INTS6: variants seen among roughly 807,000 people sequenced by gnomAD.
INTS6 encodes integrator complex subunit 6.
A neutral mutation model predicts 104.9 loss-of-function variants in INTS6; 16 were observed. The observed-to-expected ratio is 0.15, with a 90% CI of 0.10 to 0.23. The LOEUF (loss-of-function observed/expected upper bound fraction) is 0.23, where lower values mean the gene tolerates loss of function less well. INTS6 is among the 10% of genes least tolerant of loss of function. The pLI is 1.00. For missense variants in INTS6, 584 were observed against 1,062.8 expected, an observed-to-expected ratio of 0.55 and a Z score of 6.26; for synonymous variants, 324 against 358.7, an observed-to-expected ratio of 0.90 and a Z score of 1.09.
intron 4 of INTS6, among the ~76,000 whole-genome samples, chr13:51,407,430 G>A (rs771401982): frequency 6.6e-5 from 10 of 152,084 alleles, no homozygotes; most frequent in Non-Finnish European, 1.2e-4. Context: ...GCAACCTGCA[G>A]GACAGACTGA....
At chr13:51,417,543 C>T (rs867236152) in intron 4 of INTS6, among the ~76,000 whole-genome samples, 2 of 151,558 alleles carry the variant, frequency 1.3e-5, no homozygotes. Flanking sequence ...CAACCTCCAC[C>T]GCCCAGGTTC....
At chr13:51,406,150 T>C (rs1956560300) in intron 4 of INTS6, among the ~76,000 whole-genome samples, 2 of 152,146 alleles carry the variant, frequency 1.3e-5, no homozygotes, top group Non-Finnish European at 2.9e-5. Flanking sequence ...TCCGCAAGAA[T>C]CAGTCTTAGG....
At chr13:51,341,272 C>T in the INTS6 span, 1 of 1,613,974 alleles carries the variant, frequency 6.2e-7, no homozygotes, top group South Asian at 1.1e-5. Context: ...GTCCCTCCCC[C>T]TGGAGATCCT....
the INTS6 span, among the ~76,000 whole-genome samples, chr13:51,339,956 T>C: frequency 9.9e-5 from 15 of 152,134 alleles, no homozygotes; most frequent in Non-Finnish European, 1.5e-4. Context: ...GAGAGCCCTA[T>C]GTACCAAGGT....
At chr13:51,384,795 A>G (rs985065213) in intron 7 of INTS6, 1 of 426,498 alleles carries the variant, frequency 2.3e-6, no homozygotes, top group South Asian at 1.7e-5. Context: ...CCTTCTGTCA[A>G]TACTAAACTC....
At chr13:51,404,978 TATG>T (rs1815419422) in intron 4 of INTS6, among the ~76,000 whole-genome samples, 1 of 152,194 alleles carries the variant, frequency 6.6e-6, no homozygotes, top group Non-Finnish European at 1.5e-5. Flanking sequence ...AATTATGTGT[TATG>T]ATATGTACAA....
chr13:51,449,904 C>T (rs1176079011), intron 3 of INTS6: 1 of 984,764 alleles, frequency 1.0e-6, no homozygotes, highest in Admixed American at 6.2e-5. Flanking sequence ...TTGGTAAGCT[C>T]ACTCTGAATT....
chr13:51,384,697 T>A (rs1376288236), intron 7 of INTS6: 6 of 456,572 alleles, frequency 1.3e-5, no homozygotes, highest in Non-Finnish European at 2.6e-5. Context: ...TATTTAACTG[T>A]CACAAAGACC....
chr13:51,341,119 C>G, the INTS6 span: 3 of 1,613,918 alleles, frequency 1.9e-6, no homozygotes, highest in Non-Finnish European at 2.5e-6. Flanking sequence ...CACCCTCTTC[C>G]TCTTTCACTC....
the INTS6 span, chr13:51,344,186 T>G: frequency 8.8e-7 from 1 of 1,142,230 alleles, no homozygotes; most frequent in Non-Finnish European, 1.3e-6. Flanking sequence ...CAATGTGTGC[T>G]GGAGGTTGTG....
intron 3 of INTS6, chr13:51,438,339 G>A (rs1258620391): frequency 6.6e-6 from 1 of 150,744 alleles, no homozygotes; most frequent in African/African-American, 2.4e-5. Context: ...CATAATACTT[G>A]TGCCTATCAT....
chr13:51,351,605 T>G (rs534197153), downstream of INTS6, among the ~76,000 whole-genome samples: 2 of 152,254 alleles, frequency 1.3e-5, no homozygotes, highest in Non-Finnish European at 2.9e-5. Flanking sequence ...CTCAATGGTG[T>G]CCTTTGAAGC....
rs897167845 is a variant in INTS6 at position 51,364,380 on chromosome 13, A to C, written c.*1372T>G. 6.0e-5 allele frequency: 39 copies of C among 654,894 alleles called. No individual in the cohort carries two copies. The highest frequency in any genetic ancestry group is 8.5e-5 in the Non-Finnish European group (34 of 397,864). 40.6% of individuals were successfully genotyped at this position (654,894 alleles called of 1,614,324 possible). ...TTAAAAAAATGTCTGATAAAGTGTAAAAAGCTAAGGGTATGTGATTTTCAA... is the reference window on the plus strand; with the variant it reads ...TTAAAAAAATGTCTGATAAAGTGTACAAAGCTAAGGGTATGTGATTTTCAA... On this transcript the variant is annotated 3_prime_UTR_variant, in exon 18 of 18. Transcript: ENST00000311234.
At chr13:51,384,654 C>T (rs1956107610) in intron 7 of INTS6, 1 of 456,522 alleles carries the variant, frequency 2.2e-6, no homozygotes, top group Non-Finnish European at 4.4e-6. Flanking sequence ...AAAAACCTAG[C>T]CGTTATTCTT....
intron 15 of INTS6, among the ~76,000 whole-genome samples, chr13:51,372,995 A>G (rs1955840620): frequency 1.3e-5 from 2 of 152,096 alleles, no homozygotes; most frequent in African/African-American, 4.8e-5. Flanking sequence ...TATCTCTTAA[A>G]CTACATTTGA....
chr13:51,399,281 A>G (rs181437620), intron 4 of INTS6, among the ~76,000 whole-genome samples: 1 of 152,232 alleles, frequency 6.6e-6, no homozygotes, highest in Admixed American at 6.5e-5. Context: ...GTCATAGTTC[A>G]CTGCACCCTC....
intron 4 of INTS6, among the ~76,000 whole-genome samples, chr13:51,401,410 C>G (rs1956437285): frequency 6.6e-6 from 1 of 152,016 alleles, no homozygotes; most frequent in Admixed American, 6.6e-5. Flanking sequence ...AAGAAGAAAA[C>G]TGAGAATCAC....
intron 5 of INTS6, among the ~76,000 whole-genome samples, chr13:51,394,261 A>G (rs1956295521): frequency 6.6e-6 from 1 of 152,184 alleles, no homozygotes; most frequent in South Asian, 2.1e-4. Context: ...TTGTGAAGGC[A>G]TTACGAAAGT....
chr13:51,341,304 C>T, the INTS6 span: 2 of 1,612,302 alleles, frequency 1.2e-6, no homozygotes, highest in Non-Finnish European at 1.7e-6. Flanking sequence ...CAGAAGGGAG[C>T]ACTGGTCAGC....
Sources: gnomAD v4.1 joint callset for allele counts (sites outside exome capture counted in the v4.1 genomes callset) on GRCh38, gnomAD v4.1.1 for gene constraint, MANE v1.5 for transcripts, NCBI Gene and HGNC (gene_info 2026-07-23, HGNC 2026-07-21) for gene names.